RNPEP: variants seen among roughly 807,000 people sequenced by gnomAD.
The protein encoded by RNPEP is aminopeptidase B.
RNPEP carries 57 observed loss-of-function variants against 70.1 expected under a neutral mutation model. The observed-to-expected ratio is 0.81, with a 90% CI of 0.66 to 1.01. The LOEUF (loss-of-function observed/expected upper bound fraction) is 1.01. RNPEP is among the 50% of genes least tolerant of loss of function. The pLI is 0.00. For missense variants in RNPEP, 787 were observed against 852.4 expected, an observed-to-expected ratio of 0.92 and a Z score of 0.96; for synonymous variants, 335 against 357.4, an observed-to-expected ratio of 0.94 and a Z score of 0.71.
At chr1:201,995,841 T>C (rs1272662502) in intron 3 of RNPEP, 1 of 303,896 alleles carries the variant, frequency 3.3e-6, no homozygotes, top group Non-Finnish European at 6.1e-6. Context: ...TCTTCACTCA[T>C]TTTACAGATG....
Position 201,989,037 on chromosome 1 carries a change from T to C in RNPEP, c.581T>C (p.Leu194Pro). 6.2e-7 allele frequency: 1 copy of C among 1,613,824 alleles called. No homozygotes were observed. The highest frequency in any genetic ancestry group is 8.5e-7 in the Non-Finnish European group (1 of 1,179,860). The change falls in exon 2 of 11, where the codon CTT becomes CCT. Residue 194 changes from leucine to proline, a missense_variant. Transcript: ENST00000295640. Reference protein sequence around the residue: ...TPAVKYKYSALIEVPDGFTAV... With the variant: ...TPAVKYKYSAPIEVPDGFTAV... ...GCTGTTAAATACAAGTATTCAGCTC[T>C]TATTGAGGTAAGGAGACTAAGGTTA...
Position 202,003,300 on chromosome 1 carries a change from C to T in RNPEP, c.1490C>T (p.Pro497Leu). ...CCCCCGTACCTCCCTGATCTCTCCC[C>T]TGGGGACTCACTCATGAAGCCTGCT... is the stretch of plus-strand genomic sequence containing the variant. Reference protein sequence around the residue: ...GWPPYLPDLSPGDSLMKPAEE... With the variant: ...GWPPYLPDLSLGDSLMKPAEE... The change falls in exon 9 of 11, where the codon CCT becomes CTT. Residue 497 changes from proline (P) to leucine (L), a missense_variant. By Grantham distance (98) the Pro-to-Leu change is moderately conservative. Transcript: ENST00000295640. The T allele has an allele frequency of 5.0e-6, 8 of 1,614,160 alleles. No individual in the cohort carries two copies. The highest frequency in any genetic ancestry group is 2.2e-5 in the East Asian group (1 of 44,868).
intron 10 of RNPEP, among the ~76,000 whole-genome samples, chr1:202,005,098 GGA>G: frequency 6.6e-6 from 1 of 152,334 alleles, no homozygotes; most frequent in African/African-American, 2.4e-5. Flanking sequence ...CTGGATTTTA[GGA>G]ACTTGTGATG....
rs190348889 is a variant in RNPEP, at chr1:202,003,529, C to G, written c.1651+68C>G. On this transcript the variant is annotated intron_variant, in intron 9 of 10. Coordinates refer to ENST00000295640, the MANE Select transcript of RNPEP (RefSeq NM_020216.4). ...TTATGTCAGGGGCTAGAGGGAGGCT[C>G]ACAAAAAGTAGTGATGCTTGCCCCT... 3.4e-4 allele frequency: 398 copies of G among 1,159,174 alleles called. 1 individual carries two copies. The highest frequency in any genetic ancestry group is 4.6e-4 in the Non-Finnish European group (370 of 797,698). The allele number at this position is 1,159,174 out of a possible 1,614,324, so 71.8% of individuals were successfully genotyped here.
At chr1:201,995,223 A>G (rs2102972653) in intron 3 of RNPEP, among the ~76,000 whole-genome samples, 1 of 152,224 alleles carries the variant, frequency 6.6e-6, no homozygotes, top group Non-Finnish European at 1.5e-5. Flanking sequence ...CACCTATAGA[A>G]CCATCTACTT....
chr1:201,993,705 G>A (rs1268684730), intron 3 of RNPEP, among the ~76,000 whole-genome samples: 2 of 152,182 alleles, frequency 1.3e-5, no homozygotes, highest in Non-Finnish European at 2.9e-5. Flanking sequence ...TGTGAACCCG[G>A]GAGGTGGAGC....
chr1:201,996,369 TC>T, intron 4 of RNPEP, 106 bp downstream of exon 4: 1 of 800,192 alleles, frequency 1.2e-6, no homozygotes, highest in Non-Finnish European at 2.2e-6. Context: ...GAGCAAAGTT[TC>T]CCTGATCCCA....
chr1:202,004,391 CTCAAA>C lies in RNPEP; in HGVS notation c.1691_1695del (p.Ser564CysfsTer16), dbSNP rs752304376. On this transcript the variant is annotated frameshift_variant, in exon 10 of 11. Coordinates refer to ENST00000295640, the MANE Select transcript of RNPEP (RefSeq NM_020216.4). LOFTEE classifies it high-confidence loss of function. ...AACTTGGAGACACATACCCAAGTAT[CTCAAA>C]TGCCCGGAATGCAGAGCTCCGGCTG... The C allele has an allele frequency of 2.5e-6, 4 of 1,614,042 alleles. No homozygotes were observed. In the African/African-American group the frequency reaches 5.3e-5, roughly 22 times the overall value.
chr1:202,004,669 T>C (rs1683977036), intron 10 of RNPEP, among the ~76,000 whole-genome samples, 173 bp downstream of exon 10: 1 of 152,184 alleles, frequency 6.6e-6, no homozygotes, highest in Non-Finnish European at 1.5e-5. Context: ...TTTGAAGGCA[T>C]TGCCCTAGGG....
chr1:201,983,277 C>T (rs1558257073), intron 1 of RNPEP, 164 bp downstream of exon 1: 6 of 1,443,590 alleles, frequency 4.2e-6, no homozygotes, highest in Middle Eastern at 2.5e-4. Context: ...GCCTCCTCCC[C>T]TTGCTTCCTC....
chr1:201,996,533 A>G (rs10920298), intron 4 of RNPEP: 160,263 of 290,198 alleles, frequency 0.55, 48,660 homozygotes, highest in Admixed American at 0.65. Flanking sequence ...TCGCTCTGTC[A>G]CCCAGGCTGG....
At chr1:201,996,398 G>A (rs904940761) in intron 4 of RNPEP, 135 bp downstream of exon 4, 5 of 707,848 alleles carry the variant, frequency 7.1e-6, no homozygotes, top group Non-Finnish European at 1.3e-5. Flanking sequence ...AGGAGAGGAG[G>A]AAGAGAGGAG....
At chr1:202,000,101 C>T (rs1683737338) in intron 6 of RNPEP, 86 bp downstream of exon 6, 5 of 957,096 alleles carry the variant, frequency 5.2e-6, no homozygotes, top group Non-Finnish European at 8.1e-6. Context: ...TTGATCAGTG[C>T]ACGCTTAGAA....
At position 201,997,178 on chromosome 1, in the gene RNPEP, T is replaced by G. The variant is rs1266517769; in HGVS notation, c.855-141T>G. ...AGCATTGAGGAGCCTGGGCTTTATTTTCCGCACTGGGCCCGAAGTCGTACT... is the reference window on the plus strand; with the variant it reads ...AGCATTGAGGAGCCTGGGCTTTATTGTCCGCACTGGGCCCGAAGTCGTACT... On this transcript the variant is annotated intron_variant, in intron 4 of 10. Coordinates refer to ENST00000295640, the MANE Select transcript of RNPEP (RefSeq NM_020216.4). The G allele has an allele frequency of 4.8e-5, 32 of 672,780 alleles. 1 individual carries two copies. The highest frequency in any genetic ancestry group is 1.1e-5 in the Non-Finnish European group (4 of 377,756). The allele number at this position is 672,780 out of a possible 1,614,324, so 41.7% of individuals were successfully genotyped here.
chr1:201,999,875 C>G, intron 5 of RNPEP, 27 bp from the exon 6 acceptor site: 1 of 1,585,024 alleles, frequency 6.3e-7, no homozygotes, highest in Non-Finnish European at 8.6e-7. Flanking sequence ...GACGTTTTCC[C>G]GAGGCTTACG....
chr1:201,995,779 T>A (rs550570124), intron 3 of RNPEP: 327 of 186,082 alleles, frequency 1.8e-3, no homozygotes, highest in African/African-American at 7.2e-3. Context: ...AGAAGAAAAC[T>A]AACATTTACT....
chr1:202,005,541 ATG>A lies in RNPEP; in HGVS notation c.1795-11_1795-10del, dbSNP rs778649236. ...CCAGGCAAGCTTCTTAGGCATGTGTATGTGTGTTTCTTGCAGGGGAAGCAGAA... is the reference window on the plus strand; with the variant it reads ...CCAGGCAAGCTTCTTAGGCATGTGTATGTGTTTCTTGCAGGGGAAGCAGAA... On this transcript the variant is annotated splice_polypyrimidine_tract_variant and intron_variant, in intron 10 of 10. Coordinates refer to ENST00000295640, the MANE Select transcript of RNPEP (RefSeq NM_020216.4). 3.1e-6 allele frequency: 5 copies of A among 1,613,666 alleles called. No homozygotes were observed. The South Asian group carries it at 4.4e-5, about 14-fold the overall frequency.
intron 3 of RNPEP, 179 bp from the exon 4 acceptor site, chr1:201,995,968 A>C: frequency 3.4e-6 from 2 of 582,452 alleles, no homozygotes; most frequent in Non-Finnish European, 6.1e-6. Flanking sequence ...CTTGTTTCTC[A>C]GGTGTGGTGA....
At chr1:201,993,934 C>T (rs1289981128) in intron 3 of RNPEP, among the ~76,000 whole-genome samples, 2 of 148,546 alleles carry the variant, frequency 1.3e-5, no homozygotes, top group African/African-American at 5.0e-5. Flanking sequence ...TTTATTGCTA[C>T]AACCCATTGG....
Sources: allele counts gnomAD v4.1 joint callset (sites outside exome capture counted in the v4.1 genomes callset), GRCh38; gene constraint gnomAD v4.1.1; transcripts MANE v1.5; gene names NCBI Gene and HGNC (gene_info 2026-07-23, HGNC 2026-07-21).